CRISPLD2: variants seen among roughly 807,000 people sequenced by gnomAD.
CRISPLD2 encodes the protein cysteine rich secretory protein LCCL domain containing 2.
Under a neutral mutation model 71.1 loss-of-function variants are expected in CRISPLD2, and 47 were observed. The observed-to-expected ratio is 0.66, with a 90% CI of 0.52 to 0.84. The LOEUF (loss-of-function observed/expected upper bound fraction) is 0.84. Ranked by LOEUF, CRISPLD2 falls within the 40% of genes least tolerant of loss-of-function variation. The probability of loss-of-function intolerance (pLI) is 0.00; values close to 1 mark genes in which losing one functional copy is unlikely to be tolerated. For missense variants in CRISPLD2, 830 were observed against 651.1 expected (o/e 1.27, Z -2.99); for synonymous variants, 317 against 250.1 (o/e 1.27, Z -2.52).
At chr16:84,856,028 C>T (rs570006500) in intron 6 of CRISPLD2, among the ~76,000 whole-genome samples, 4 of 152,228 alleles carry the variant, frequency 2.6e-5, no homozygotes, top group East Asian at 1.9e-4. Context: ...ATATCTGCAA[C>T]TGGTCACGTG....
intron 6 of CRISPLD2, among the ~76,000 whole-genome samples, chr16:84,859,096 G>T (rs750102429): frequency 1.3e-5 from 2 of 152,166 alleles, no homozygotes; most frequent in Non-Finnish European, 2.9e-5. Context: ...ATTTTTCTAG[G>T]TAGGGGCAGC....
At chr16:84,898,456 C>G (rs780660813) in intron 14 of CRISPLD2, among the ~76,000 whole-genome samples, 10 of 152,166 alleles carry the variant, frequency 6.6e-5, no homozygotes, top group Admixed American at 2.6e-4. Flanking sequence ...ATGCACACCT[C>G]AGTGCTTTTG....
intron 14 of CRISPLD2, among the ~76,000 whole-genome samples, chr16:84,899,394 G>A (rs1038117699): frequency 1.6e-4 from 24 of 152,198 alleles, no homozygotes; most frequent in Non-Finnish European, 2.9e-4. Context: ...AGGGCGGGAA[G>A]GGTATTTTAT....
chr16:84,879,617 C>G (rs186138954), intron 12 of CRISPLD2, among the ~76,000 whole-genome samples: 3,163 of 152,246 alleles, frequency 0.021, 104 homozygotes, highest in African/African-American at 0.073. Flanking sequence ...CCACCTCGGC[C>G]TCCCAAAGTG....
chr16:84,876,392 C>T (rs932565776), intron 11 of CRISPLD2, among the ~76,000 whole-genome samples: 15 of 151,662 alleles, frequency 9.9e-5, no homozygotes, highest in African/African-American at 3.6e-4. Context: ...ATCTCAGCTA[C>T]TTGGGAGGTT....
At chr16:84,876,950 A>G (rs2071524172) in intron 11 of CRISPLD2, among the ~76,000 whole-genome samples, 1 of 152,188 alleles carries the variant, frequency 6.6e-6, no homozygotes, top group South Asian at 2.1e-4. Flanking sequence ...GCCCCTCAGC[A>G]GGGATGAATG....
intron 12 of CRISPLD2, among the ~76,000 whole-genome samples, chr16:84,879,043 C>G (rs892955899): frequency 6.6e-6 from 1 of 152,142 alleles, no homozygotes; most frequent in African/African-American, 2.4e-5. Context: ...CCCAAGGTTC[C>G]GAGCAGGGAA....
chr16:84,881,807 T>C (rs1365497503), intron 13 of CRISPLD2, among the ~76,000 whole-genome samples: 1 of 152,062 alleles, frequency 6.6e-6, no homozygotes, highest in African/African-American at 2.4e-5. Flanking sequence ...CTGCTTGTCA[T>C]CATCCCCTCC....
intron 8 of CRISPLD2, 67 bp from the exon 9 acceptor site, chr16:84,872,375 A>G: frequency 7.7e-7 from 1 of 1,301,042 alleles, no homozygotes; most frequent in Non-Finnish European, 1.1e-6. Context: ...GAAAAAAATG[A>G]TAAACTCATT....
chr16:84,875,893 C>T (rs1046392506), intron 11 of CRISPLD2, among the ~76,000 whole-genome samples: 1 of 152,030 alleles, frequency 6.6e-6, no homozygotes, highest in Admixed American at 6.6e-5. Flanking sequence ...AATGTTCTTC[C>T]AAACCTAATG....
intron 1 of CRISPLD2, among the ~76,000 whole-genome samples, chr16:84,823,663 G>T (rs1916281129): frequency 1.3e-5 from 2 of 152,136 alleles, no homozygotes; most frequent in African/African-American, 4.8e-5. Context: ...CTTGGACAAA[G>T]ACCCCTCTTG....
intron 13 of CRISPLD2, among the ~76,000 whole-genome samples, chr16:84,888,806 A>C (rs963487222): frequency 6.6e-6 from 1 of 152,214 alleles, no homozygotes; most frequent in Non-Finnish European, 1.5e-5. Flanking sequence ...TTCCCTGAGC[A>C]GTTCCCCCTG....
intron 6 of CRISPLD2, among the ~76,000 whole-genome samples, chr16:84,866,088 G>A (rs183896495): frequency 1.3e-5 from 2 of 152,182 alleles, no homozygotes; most frequent in African/African-American, 4.8e-5. Context: ...GTGAGGTGCA[G>A]TTGGGGTCTA....
intron 5 of CRISPLD2, among the ~76,000 whole-genome samples, 160 bp from the exon 6 acceptor site, chr16:84,854,569 G>T (rs1214242431): frequency 6.6e-6 from 1 of 152,110 alleles, no homozygotes; most frequent in Non-Finnish European, 1.5e-5. Flanking sequence ...CACGGGAGAG[G>T]CCTGGGATAG....
chr16:84,882,316 A>C (rs1298918129), intron 13 of CRISPLD2, among the ~76,000 whole-genome samples: 1 of 147,634 alleles, frequency 6.8e-6, no homozygotes, highest in Non-Finnish European at 1.5e-5. Flanking sequence ...AACTGTACAC[A>C]CCAAACAATA....
intron 6 of CRISPLD2, among the ~76,000 whole-genome samples, chr16:84,859,616 T>G (rs979072829): frequency 2.0e-5 from 3 of 152,342 alleles, no homozygotes; most frequent in African/African-American, 4.8e-5. Context: ...TTCTCTGTTT[T>G]TATAATTCAA....
chr16:84,823,928 T>C (rs528627466), intron 1 of CRISPLD2, among the ~76,000 whole-genome samples: 4 of 152,308 alleles, frequency 2.6e-5, no homozygotes, highest in African/African-American at 9.6e-5. Context: ...CATGCTCCCA[T>C]TTTGCTTGTA....
chr16:84,899,081 A>G (rs986856982), intron 14 of CRISPLD2, among the ~76,000 whole-genome samples: 1 of 152,052 alleles, frequency 6.6e-6, no homozygotes, highest in African/African-American at 2.4e-5. Context: ...TTGTAGAGAC[A>G]GGGGTCACTG....
chr16:84,832,252 G>A lies in CRISPLD2; in HGVS notation c.-74-6170G>A, dbSNP rs141591002. Among the ~76,000 whole-genome samples, 230 of 152,332 alleles carry A rather than the reference G, an allele frequency of 1.5e-3. 1 individual carries two copies. The highest frequency in any genetic ancestry group is 4.3e-3 in the African/African-American group (177 of 41,566). On this transcript the variant is annotated intron_variant, in intron 1 of 14. Coordinates refer to ENST00000262424, the MANE Select transcript of CRISPLD2 (RefSeq NM_031476.4). ...AGGACCTTTTTCCTTCCTCACAGCC[G>A]TAGGGCCTGTCACTCCCCTCCACCC...
Sources: gnomAD v4.1 joint callset for allele counts (sites outside exome capture counted in the v4.1 genomes callset) on GRCh38, gnomAD v4.1.1 for gene constraint, MANE v1.5 for transcripts, NCBI Gene and HGNC (gene_info 2026-07-23, HGNC 2026-07-21) for gene names.